The following NYAP2 variants were observed in gnomAD, a reference collection of about 807,000 sequenced individuals.
The protein encoded by NYAP2 is neuronal tyrosine-phosphorylated phosphoinositide-3-kinase adaptor 2, also known as neuronal tyrosine-phosphorylated phosphoinositide-3-kinase adapter 2.
In NYAP2, 23 loss-of-function variants were observed where a neutral mutation model predicts 50.4. The ratio of observed to expected loss-of-function variants is 0.46; its 90% confidence interval spans 0.33 to 0.65. The LOEUF (loss-of-function observed/expected upper bound fraction) is 0.65. Ranked by LOEUF, NYAP2 falls within the 30% of genes least tolerant of loss-of-function variation. The pLI is 0.02. For missense variants in NYAP2, 885 were observed against 861.0 expected (o/e 1.03, Z -0.35); for synonymous variants, 394 against 365.2 (o/e 1.08, Z -0.90).
chr2:225,531,828 G>T (rs1691258452), intron 4 of NYAP2, among the ~76,000 whole-genome samples: 1 of 152,156 alleles, frequency 6.6e-6, no homozygotes, highest in Non-Finnish European at 1.5e-5. Context: ...TGCTTTGCTG[G>T]CTCTTTCGGT....
At chr2:225,672,861 A>C in the NYAP2 span, among the ~76,000 whole-genome samples, 1 of 152,008 alleles carries the variant, frequency 6.6e-6, no homozygotes. Flanking sequence ...TAAAGCACTA[A>C]TTGATTAAGT....
intron 4 of NYAP2, among the ~76,000 whole-genome samples, chr2:225,563,850 T>G (rs1365808651): frequency 6.6e-6 from 1 of 152,120 alleles, no homozygotes; most frequent in Admixed American, 6.6e-5. Flanking sequence ...AAGTTTAATT[T>G]TTAGGTTAAT....
At position 225,616,395 on chromosome 2, in the gene NYAP2, T is replaced by C. The variant is rs143599530; in HGVS notation, c.1619-10522T>C. On this transcript the variant is annotated intron_variant, in intron 5 of 6. Transcript: ENST00000636099. ...CCTTTGCCCTCTTTTCCCTAGAGAC[T>C]TGGAGGATGGAATAATAGCAGTGCA... is the stretch of plus-strand genomic sequence containing the variant. Among the ~76,000 whole-genome samples, 101 of 152,334 alleles carry C rather than the reference T, an allele frequency of 6.6e-4. 1 individual carries two copies. Among genetic ancestry groups the C allele is most frequent in the African/African-American group, 2.4e-3 (99 of 41,588 alleles).
intron 5 of NYAP2, among the ~76,000 whole-genome samples, chr2:225,602,065 A>G (rs1320714864): frequency 2.0e-5 from 3 of 152,166 alleles, no homozygotes; most frequent in Non-Finnish European, 2.9e-5. Context: ...TTTATTATGC[A>G]AAAGAGGAAA....
At chr2:225,433,358 TAA>T (rs10553749) in intron 3 of NYAP2, among the ~76,000 whole-genome samples, 3,937 of 149,048 alleles carry the variant, frequency 0.026, 139 homozygotes, top group African/African-American at 0.09. Flanking sequence ...CCTATCTGTT[TAA>T]AAAAAAAAAA....
At chr2:225,660,788 C>A in the NYAP2 span, among the ~76,000 whole-genome samples, 1 of 152,268 alleles carries the variant, frequency 6.6e-6, no homozygotes, top group Non-Finnish European at 1.5e-5. Flanking sequence ...ACAAAATCTG[C>A]TGATGATTTT....
the NYAP2 span, among the ~76,000 whole-genome samples, chr2:225,687,073 A>G: frequency 6.6e-6 from 1 of 152,194 alleles, no homozygotes; most frequent in Non-Finnish European, 1.5e-5. Flanking sequence ...GCAATCTGCT[A>G]TAATACTGAG....
chr2:225,581,842 C>A, intron 4 of NYAP2, 99 bp from the exon 5 acceptor site: 4 of 1,177,156 alleles, frequency 3.4e-6, no homozygotes, highest in Non-Finnish European at 4.8e-6. Context: ...CTGTCTACCC[C>A]TCTGGCCTAA....
At chr2:225,475,624 A>G (rs982831234) in intron 3 of NYAP2, among the ~76,000 whole-genome samples, 7 of 152,226 alleles carry the variant, frequency 4.6e-5, no homozygotes, top group African/African-American at 1.7e-4. Flanking sequence ...TGTGAGGTTT[A>G]TTATTTGAAT....
chr2:225,455,898 A>T (rs1689730783), intron 3 of NYAP2, among the ~76,000 whole-genome samples: 1 of 152,156 alleles, frequency 6.6e-6, no homozygotes, highest in Non-Finnish European at 1.5e-5. Context: ...TGATTAAGTG[A>T]TGCATAGACC....
intron 3 of NYAP2, among the ~76,000 whole-genome samples, chr2:225,456,053 C>T (rs1689733497): frequency 6.6e-6 from 1 of 152,216 alleles, no homozygotes; most frequent in African/African-American, 2.4e-5. Context: ...CTCCCAGTAT[C>T]TAAGCATACA....
chr2:225,602,932 G>A (rs1403259694), intron 5 of NYAP2, among the ~76,000 whole-genome samples: 4 of 151,904 alleles, frequency 2.6e-5, no homozygotes, highest in East Asian at 1.9e-4. Context: ...AGCTATTTGA[G>A]GTCCTATGAG....
chr2:225,504,227 G>A (rs1312112264), intron 3 of NYAP2, among the ~76,000 whole-genome samples: 1 of 152,118 alleles, frequency 6.6e-6, no homozygotes, highest in African/African-American at 2.4e-5. Context: ...GTCTGGTGAG[G>A]TCCTGCTTCG....
intron 3 of NYAP2, among the ~76,000 whole-genome samples, chr2:225,461,345 A>G (rs999726990): frequency 1.3e-5 from 2 of 152,364 alleles, no homozygotes; most frequent in East Asian, 1.9e-4. Flanking sequence ...ACAACCCTCC[A>G]TACATCTTTT....
At chr2:225,615,909 T>C (rs1449188415) in intron 5 of NYAP2, among the ~76,000 whole-genome samples, 1 of 152,208 alleles carries the variant, frequency 6.6e-6, no homozygotes, top group Non-Finnish European at 1.5e-5. Flanking sequence ...GGCAATGCTT[T>C]ATATTTCATT....
intron 2 of NYAP2, among the ~76,000 whole-genome samples, chr2:225,406,872 A>C (rs1694948084): frequency 6.6e-6 from 1 of 152,018 alleles, no homozygotes; most frequent in African/African-American, 2.4e-5. Context: ...TGATATTTGG[A>C]ATATAGAAAC....
chr2:225,401,215 G>A (rs1694855997), intron 2 of NYAP2, among the ~76,000 whole-genome samples, 172 bp downstream of exon 2: 1 of 151,972 alleles, frequency 6.6e-6, no homozygotes, highest in South Asian at 2.1e-4. Flanking sequence ...GGCATCCAGG[G>A]CTTTAGTGAG....
At chr2:225,528,576 G>A (rs1313038362) in intron 4 of NYAP2, among the ~76,000 whole-genome samples, 1 of 152,190 alleles carries the variant, frequency 6.6e-6, no homozygotes, top group Non-Finnish European at 1.5e-5. Context: ...ATTAAAATTA[G>A]AGTGTGCATA....
rs1413803024 is a variant in NYAP2, at chr2:225,582,904, G to T, written c.1487G>T (p.Gly496Val). Residue 496 changes from glycine (G) to valine (V), a missense_variant, in exon 5 of 7, where the codon GGG (glycine) becomes GTG (valine). By Grantham distance (109) the Gly-to-Val change is moderately radical (BLOSUM62 -3). Coordinates refer to ENST00000636099, the Ensembl canonical transcript of NYAP2. This position sits in a 1 kb window ranked among gnomAD's most constrained non-coding sequence, Gnocchi z 7.0. ...GTCAACGCCGCGGTGAACACCTACG[G>T]GGCAGCCCCGGGTGGCTCCCGGTCC... 3.7e-6 allele frequency: 6 copies of T among 1,613,130 alleles called. No homozygotes were observed. The highest frequency in any genetic ancestry group is 5.1e-6 in the Non-Finnish European group (6 of 1,179,882).
Sources: gnomAD v4.1 joint callset for allele counts (sites outside exome capture counted in the v4.1 genomes callset) on GRCh38, gnomAD v4.1.1 for gene constraint, Gnocchi (gnomAD v3.1) non-coding constraint, MANE v1.5 for transcripts, NCBI Gene and HGNC (gene_info 2026-07-23, HGNC 2026-07-21) for gene names.